Variants in CDH23 observed in about 807,000 individuals in gnomAD.
CDH23 encodes the protein cadherin related 23, also known as cadherin-23.
CDH23 carries 189 observed loss-of-function variants against 317.1 expected under a neutral mutation model. The observed-to-expected ratio is 0.60, with a 90% CI of 0.53 to 0.67. The LOEUF (loss-of-function observed/expected upper bound fraction) is 0.67, where lower values mean the gene tolerates loss of function less well. Among genes scored for constraint, CDH23 ranks in the 30% least tolerant of loss-of-function variants. CDH23 has a pLI of 0.00. For missense variants in CDH23, 4,401 were observed against 4,592.4 expected (o/e 0.96, Z 1.20); for synonymous variants, 1,839 against 1,876.8 (o/e 0.98, Z 0.52).
chr10:71,501,056 C>T (rs913634997), intron 3 of CDH23, among the ~76,000 whole-genome samples: 4 of 151,854 alleles, frequency 2.6e-5, no homozygotes, highest in East Asian at 1.9e-4. Flanking sequence ...TTAGTAGAGA[C>T]GGGGTTTAAC....
At chr10:71,427,713 CTTTTTTT>C (rs1287974246) in intron 1 of CDH23, among the ~76,000 whole-genome samples, 1 of 133,776 alleles carries the variant, frequency 7.5e-6, no homozygotes, top group Non-Finnish European at 1.6e-5. Flanking sequence ...TCTATGCTTA[CTTTTTTT>C]TTTTTTTTTT....
At chr10:71,673,424 A>G (rs1179567603) in intron 14 of CDH23, among the ~76,000 whole-genome samples, 1 of 152,244 alleles carries the variant, frequency 6.6e-6, no homozygotes, top group Non-Finnish European at 1.5e-5. Flanking sequence ...ATTGATGACC[A>G]TGATTGTCAG....
At chr10:71,773,278 C>T in intron 38 of CDH23, 5 of 1,454,476 alleles carry the variant, frequency 3.4e-6, no homozygotes, top group Admixed American at 2.0e-5. Flanking sequence ...GCCCCCAGGA[C>T]GCCCCCATCC....
intron 6 of CDH23, among the ~76,000 whole-genome samples, chr10:71,548,338 G>C (rs1856401162): frequency 6.6e-6 from 1 of 152,162 alleles, no homozygotes; most frequent in Non-Finnish European, 1.5e-5. Context: ...CTAATCCAGT[G>C]GCCTCAGAGT....
At chr10:71,641,298 G>T (rs536563809) in intron 11 of CDH23, among the ~76,000 whole-genome samples, 1 of 152,172 alleles carries the variant, frequency 6.6e-6, no homozygotes, top group South Asian at 2.1e-4. Flanking sequence ...TTTTTAGAAC[G>T]CCACTGGTGA....
chr10:71,610,255 G>A (rs1413273100), intron 9 of CDH23, among the ~76,000 whole-genome samples: 6 of 152,096 alleles, frequency 3.9e-5, no homozygotes, highest in African/African-American at 1.2e-4. Context: ...TGTCCACCTC[G>A]GCCTCCCAAT....
At chr10:71,532,558 G>GC (rs1334473082) in intron 6 of CDH23, among the ~76,000 whole-genome samples, 1 of 152,116 alleles carries the variant, frequency 6.6e-6, no homozygotes, top group African/African-American at 2.4e-5. Context: ...TCCCAGAGGG[G>GC]CCCTCTCTGA....
intron 8 of CDH23, among the ~76,000 whole-genome samples, chr10:71,573,330 A>G (rs947826540): frequency 1.3e-5 from 2 of 152,144 alleles, no homozygotes; most frequent in Non-Finnish European, 2.9e-5. Flanking sequence ...TTTTTAGTAT[A>G]TCGTGCAATG....
At chr10:71,451,064 AG>A (rs945574814) in intron 3 of CDH23, among the ~76,000 whole-genome samples, 4 of 152,042 alleles carry the variant, frequency 2.6e-5, no homozygotes, top group Non-Finnish European at 5.9e-5. Context: ...CCAGTTGCCC[AG>A]GCCAAAAGCT....
At chr10:71,692,478 C>T (rs1449141655) in intron 20 of CDH23, among the ~76,000 whole-genome samples, 1 of 152,246 alleles carries the variant, frequency 6.6e-6, no homozygotes, top group African/African-American at 2.4e-5. Context: ...GAGAGGCCAT[C>T]TATCATGCCG....
At chr10:71,801,858 C>T (rs924492337) in intron 53 of CDH23, among the ~76,000 whole-genome samples, 1 of 152,170 alleles carries the variant, frequency 6.6e-6, no homozygotes, top group African/African-American at 2.4e-5. Context: ...GCATTTGGGG[C>T]CAGAAGACTC....
intron 27 of CDH23, among the ~76,000 whole-genome samples, chr10:71,709,565 C>G (rs570518602): frequency 6.6e-6 from 1 of 152,300 alleles, no homozygotes; most frequent in African/African-American, 2.4e-5. Context: ...CTTCACGAAT[C>G]GGCATCTGGG....
At position 71,569,482 on chromosome 10, in the gene CDH23, T is replaced by C. The variant is rs1218508211; in HGVS notation, c.625-1308T>C. Among the ~76,000 whole-genome samples the C allele has an allele frequency of 3.3e-5, 5 of 152,238 alleles. 1 individual carries two copies. The stretch of plus-strand genomic sequence containing the variant: ...CTGAGGGGCCTTAGAAGTCATTCAC[T>C]TGAGCCCCTTCATCTCACAGAAAAG... On this transcript the variant is annotated intron_variant, in intron 7 of 69. Transcript: ENST00000224721.
At chr10:71,658,288 G>A (rs920313515) in intron 14 of CDH23, among the ~76,000 whole-genome samples, 2 of 152,220 alleles carry the variant, frequency 1.3e-5, no homozygotes, top group Non-Finnish European at 2.9e-5. Context: ...GAGAGAGCGA[G>A]AGATGGAGAG....
intron 3 of CDH23, among the ~76,000 whole-genome samples, chr10:71,452,416 T>C (rs973042801): frequency 6.6e-6 from 1 of 152,088 alleles, no homozygotes; most frequent in African/African-American, 2.4e-5. Flanking sequence ...GCCCCCACTC[T>C]CCACAGACAC....
At chr10:71,551,972 C>T (rs1296821043) in intron 6 of CDH23, among the ~76,000 whole-genome samples, 1 of 152,234 alleles carries the variant, frequency 6.6e-6, no homozygotes, top group Non-Finnish European at 1.5e-5. Context: ...TCAGGGAATG[C>T]TCCTCAGGTG....
intron 1 of CDH23, among the ~76,000 whole-genome samples, chr10:71,406,491 AT>A (rs1272060745): frequency 6.6e-6 from 1 of 152,162 alleles, no homozygotes; most frequent in Non-Finnish European, 1.5e-5. Flanking sequence ...CCCAGGAGGC[AT>A]TCAGGTGGCT....
At chr10:71,553,966 C>G (rs1856741261) in intron 6 of CDH23, among the ~76,000 whole-genome samples, 1 of 152,198 alleles carries the variant, frequency 6.6e-6, no homozygotes, top group Non-Finnish European at 1.5e-5. Flanking sequence ...TTCCCCTCCC[C>G]TTCCAGACCT....
chr10:71,517,841 G>A (rs1237644002), intron 6 of CDH23, among the ~76,000 whole-genome samples: 2 of 152,212 alleles, frequency 1.3e-5, no homozygotes, highest in Non-Finnish European at 2.9e-5. Context: ...AGCCCCAGAC[G>A]ATGTCTCTAT....
Sources: allele counts gnomAD v4.1 joint callset (sites outside exome capture counted in the v4.1 genomes callset), GRCh38; gene constraint gnomAD v4.1.1; transcripts MANE v1.5; gene names NCBI Gene and HGNC (gene_info 2026-07-23, HGNC 2026-07-21).